Variants in PCDHA5 observed in about 807,000 individuals in gnomAD.
PCDHA5 encodes protocadherin alpha 5, also known as protocadherin alpha-5.
In PCDHA5, 43 loss-of-function variants were observed where a neutral mutation model predicts 61.6. The observed-to-expected ratio is 0.70, with a 90% CI of 0.55 to 0.90. The LOEUF is 0.90. Among genes scored for constraint, PCDHA5 ranks in the 40% least tolerant of loss-of-function variants. PCDHA5 has a pLI of 0.00. For missense variants in PCDHA5, 1,298 were observed against 1,222.7 expected (o/e 1.06, Z -0.92); for synonymous variants, 627 against 543.9 (o/e 1.15, Z -2.13).
intron 1 of PCDHA5, among the ~76,000 whole-genome samples, chr5:140,975,386 G>A (rs2096665314): frequency 6.6e-6 from 1 of 152,252 alleles, no homozygotes; most frequent in Admixed American, 6.5e-5. Flanking sequence ...ATGGGAATAA[G>A]ATCCATCACA....
At chr5:140,969,284 G>T (rs782449740) in intron 1 of PCDHA5, 1 of 1,614,216 alleles carries the variant, frequency 6.2e-7, no homozygotes, top group Non-Finnish European at 8.5e-7. Flanking sequence ...TGGTCAGAAT[G>T]CTGGGAACCT....
intron 1 of PCDHA5, among the ~76,000 whole-genome samples, chr5:140,909,217 C>T (rs2074379679): frequency 6.6e-6 from 1 of 152,106 alleles, no homozygotes; most frequent in Non-Finnish European, 1.5e-5. Context: ...GTTGATATAC[C>T]CCTGAGGTAG....
chr5:140,882,462 G>T, intron 1 of PCDHA5: 1 of 1,614,036 alleles, frequency 6.2e-7, no homozygotes, highest in Non-Finnish European at 8.5e-7. Context: ...CGCCTGTTCC[G>T]GGTGGCGTCC....
chr5:140,844,747 T>C (rs1779528592), intron 1 of PCDHA5, among the ~76,000 whole-genome samples: 1 of 149,678 alleles, frequency 6.7e-6, no homozygotes, highest in Admixed American at 6.7e-5. Context: ...TATTATGGGA[T>C]AAATCTTTGA....
Position 140,845,288 on chromosome 5 carries a change from C to T in PCDHA5, c.2352+21161C>T, listed in dbSNP as rs1304336704. ...CTTTGTGAAAGTAATATTTCCTATC[C>T]TGTCTATGTCTACCTGGTTCTCAGG... On this transcript the variant is annotated intron_variant, in intron 1 of 3. Coordinates refer to ENST00000529859, the MANE Select transcript of PCDHA5 (RefSeq NM_018908.3). Among the ~76,000 whole-genome samples the T allele has an allele frequency of 3.4e-5, 5 of 149,098 alleles. 1 individual carries two copies. Among genetic ancestry groups the T allele is most frequent in the African/African-American group, 9.8e-5 (4 of 40,716 alleles).
At chr5:140,987,223 A>C (rs1269747690) in intron 3 of PCDHA5, among the ~76,000 whole-genome samples, 1 of 151,456 alleles carries the variant, frequency 6.6e-6, no homozygotes, top group African/African-American at 2.4e-5. Flanking sequence ...CAAAAAAAAA[A>C]AAAATAATAA....
At chr5:140,888,967 G>T (rs1434157317) in intron 1 of PCDHA5, among the ~76,000 whole-genome samples, 1 of 152,000 alleles carries the variant, frequency 6.6e-6, no homozygotes, top group African/African-American at 2.4e-5. Flanking sequence ...CAATGTTAAT[G>T]TGTTGAATTT....
In PCDHA5 at chr5:140,969,339, A is replaced by G. The variant is rs1563390643; in HGVS notation, c.2353-9610A>G. On this transcript the variant is annotated intron_variant, in intron 1 of 3. Transcript: ENST00000529859. ...GCTGTTTCTCAAAATGAGGTGAGAC[A>G]GTGGTCAGGGGGTCTTCTACAAACT... 5 of 1,613,830 alleles carry G rather than the reference A, an allele frequency of 3.1e-6. No homozygotes were observed. The South Asian group carries it at 4.4e-5, about 14-fold the overall frequency.
intron 1 of PCDHA5, chr5:140,848,530 A>G (rs2150412055): frequency 6.3e-7 from 1 of 1,594,630 alleles, no homozygotes; most frequent in Non-Finnish European, 8.6e-7. Context: ...CCAGAGGGTC[A>G]GCCTCTACTG....
intron 1 of PCDHA5, chr5:140,927,923 C>G: frequency 1.2e-6 from 2 of 1,614,232 alleles, no homozygotes; most frequent in Non-Finnish European, 1.7e-6. Context: ...GACTTCCTGA[C>G]TCTTTCGAAC....
chr5:140,959,116 G>A (rs2095468018), intron 1 of PCDHA5, among the ~76,000 whole-genome samples: 1 of 152,002 alleles, frequency 6.6e-6, no homozygotes, highest in South Asian at 2.1e-4. Context: ...TCCGAAGGTG[G>A]GCGAGGTGAG....
chr5:140,919,648 G>A (rs1482168238), intron 1 of PCDHA5, among the ~76,000 whole-genome samples: 7 of 151,936 alleles, frequency 4.6e-5, no homozygotes, highest in Non-Finnish European at 7.4e-5. Flanking sequence ...TTTCTCTAGA[G>A]TTTACCATAT....
At chr5:140,900,559 G>A (rs542075943) in intron 1 of PCDHA5, among the ~76,000 whole-genome samples, 2 of 152,314 alleles carry the variant, frequency 1.3e-5, no homozygotes, top group African/African-American at 2.4e-5. Context: ...TTACAGGCGT[G>A]AGCCACGGCA....
chr5:140,857,108 C>T, intron 1 of PCDHA5: 6 of 1,597,856 alleles, frequency 3.8e-6, no homozygotes, highest in Non-Finnish European at 5.1e-6. Context: ...TGTCACTTCT[C>T]TGTCTCTCCC....
chr5:140,889,561 C>A (rs1170749193), intron 1 of PCDHA5, among the ~76,000 whole-genome samples: 1 of 151,898 alleles, frequency 6.6e-6, no homozygotes, highest in African/African-American at 2.4e-5. Flanking sequence ...CTTCAGAATT[C>A]TGCTTTCTGA....
intron 1 of PCDHA5, chr5:140,927,763 G>C (rs1554205034): frequency 6.2e-7 from 1 of 1,614,198 alleles, no homozygotes; most frequent in African/African-American, 1.3e-5. Context: ...CCCTAAAAGT[G>C]GGGAGGTGCA....
chr5:140,839,744 G>A (rs935121043), intron 1 of PCDHA5, among the ~76,000 whole-genome samples: 1 of 151,944 alleles, frequency 6.6e-6, no homozygotes, highest in African/African-American at 2.4e-5. Flanking sequence ...ACCCTTATTT[G>A]CCTTTCCTAT....
intron 1 of PCDHA5, among the ~76,000 whole-genome samples, chr5:140,907,345 G>A (rs568376480): frequency 3.3e-5 from 5 of 152,296 alleles, no homozygotes; most frequent in East Asian, 1.9e-4. Flanking sequence ...GCATGAGCCC[G>A]CTGCTGCACT....
At chr5:140,900,588 C>G (rs1025443524) in intron 1 of PCDHA5, among the ~76,000 whole-genome samples, 3 of 152,150 alleles carry the variant, frequency 2.0e-5, no homozygotes, top group African/African-American at 7.2e-5. Flanking sequence ...TTTTCTTTAC[C>G]CGTTCATCTG....
Sources: allele counts gnomAD v4.1 joint callset (sites outside exome capture counted in the v4.1 genomes callset), GRCh38; gene constraint gnomAD v4.1.1; transcripts MANE v1.5; gene names NCBI Gene and HGNC (gene_info 2026-07-23, HGNC 2026-07-21).